Variants in BACH1 observed in about 807,000 individuals in gnomAD.
BACH1 encodes transcription regulator protein BACH1.
In BACH1, 35 loss-of-function variants were observed where a neutral mutation model predicts 52.9. The observed-to-expected ratio is 0.66, with a 90% CI of 0.51 to 0.88. The LOEUF (loss-of-function observed/expected upper bound fraction) is 0.88, where lower values mean the gene tolerates loss of function less well. Among genes scored for constraint, BACH1 ranks in the 40% least tolerant of loss-of-function variants. The probability of loss-of-function intolerance (pLI) is 0.00; values close to 1 mark genes in which losing one functional copy is unlikely to be tolerated. For missense variants in BACH1, 808 were observed against 872.6 expected (o/e 0.93, Z 0.93); for synonymous variants, 321 against 319.6 (o/e 1.00, Z -0.05).
Position 29,342,534 on chromosome 21 carries a change from C to T in BACH1, c.1912C>T (p.Leu638Phe). Residue 638 changes from leucine to phenylalanine, a missense_variant, in exon 5 of 5, where the codon CTC becomes TTC. Leu to Phe is a conservative substitution (Grantham distance 22). Coordinates refer to ENST00000286800, the MANE Select transcript of BACH1 (RefSeq NM_001186.4). Reference sequence around the variant, plus strand: ...TCTGAGTCAAGAACAAATACAGATACTCGCCAAGTACTCAGCTGCAGATTG... The same window carrying T: ...TCTGAGTCAAGAACAAATACAGATATTCGCCAAGTACTCAGCTGCAGATTG... ...AALSQEQIQI[L>F]AKYSAADCPL... 6.2e-7 allele frequency: 1 copy of T among 1,614,214 alleles called. No individual in the cohort carries two copies. Among genetic ancestry groups the T allele is most frequent in the Non-Finnish European group, 8.5e-7 (1 of 1,180,032 alleles).
chr21:29,308,459 A>G (rs2123411276), intron 1 of BACH1, among the ~76,000 whole-genome samples: 1 of 152,272 alleles, frequency 6.6e-6, no homozygotes, highest in South Asian at 2.1e-4. Context: ...TGTTTTATTT[A>G]ATTAAAATTG....
Position 29,329,577 on chromosome 21 carries a change from C to T in BACH1, c.1660C>T (p.Gln554Ter). 6.2e-7 allele frequency: 1 copy of T among 1,606,334 alleles called. No homozygotes were observed. Among genetic ancestry groups the T allele is most frequent in the Non-Finnish European group, 8.5e-7 (1 of 1,177,530 alleles). ...GAAAATGCACAAGCTTACTCCAGAA[C>T]AGCTGGATTGTATCCATGATATTCG... ...LLKMHKLTPE[Q>*]LDCIHDIRRR... The change falls in exon 4 of 5, where the codon CAG becomes TAG. Residue 554 changes from glutamine to a stop codon, truncating the protein, a stop_gained. Coordinates refer to ENST00000286800, the MANE Select transcript of BACH1 (RefSeq NM_001186.4). LOFTEE classifies it high-confidence loss of function.
chr21:29,317,481 G>A (rs2088800914), intron 1 of BACH1, among the ~76,000 whole-genome samples: 1 of 152,184 alleles, frequency 6.6e-6, no homozygotes, highest in Non-Finnish European at 1.5e-5. Context: ...TGTATGTGGA[G>A]GCCCTGAAAT....
intron 2 of BACH1, among the ~76,000 whole-genome samples, chr21:29,353,292 T>A (rs2089214079): frequency 6.6e-6 from 1 of 152,142 alleles, no homozygotes; most frequent in African/African-American, 2.4e-5. Context: ...TAACCAATCT[T>A]GTATGGTTGT....
At chr21:29,339,779 G>C (rs1384481466) in intron 4 of BACH1, among the ~76,000 whole-genome samples, 1 of 151,966 alleles carries the variant, frequency 6.6e-6, no homozygotes, top group Non-Finnish European at 1.5e-5. Context: ...GTTTACAGGT[G>C]TGTGCCACCA....
At chr21:29,331,245 A>G (rs187405317) in intron 4 of BACH1, among the ~76,000 whole-genome samples, 1 of 152,212 alleles carries the variant, frequency 6.6e-6, no homozygotes, top group African/African-American at 2.4e-5. Flanking sequence ...TGAAATCTAC[A>G]TAAAATTGTA....
downstream of BACH1, among the ~76,000 whole-genome samples, chr21:29,347,246 A>G (rs2089174788): frequency 6.6e-6 from 1 of 152,210 alleles, no homozygotes; most frequent in Admixed American, 6.5e-5. Flanking sequence ...CTAAAAGTGC[A>G]TTCTGGAATT....
intron 1 of BACH1, chr21:29,300,024 G>A (rs1341058437): frequency 1.3e-5 from 2 of 152,174 alleles, no homozygotes; most frequent in African/African-American, 4.8e-5. Flanking sequence ...GAGCACTTGA[G>A]CGCTTCACAT....
intron 4 of BACH1, among the ~76,000 whole-genome samples, chr21:29,332,531 GATAGGTAC>G (rs2088996513): frequency 1.3e-5 from 2 of 152,210 alleles, no homozygotes; most frequent in African/African-American, 4.8e-5. Context: ...GTTGTAGGGA[GATAGGTAC>G]CTCTCATTTA....
At chr21:29,341,270 C>G (rs1433903927) in intron 4 of BACH1, among the ~76,000 whole-genome samples, 1 of 152,174 alleles carries the variant, frequency 6.6e-6, no homozygotes, top group Non-Finnish European at 1.5e-5. Flanking sequence ...TAACTTGTCT[C>G]AAGGTTAACT....
At position 29,356,287 on chromosome 21, in the gene BACH1, A is replaced by G. The variant is rs564010278; in HGVS notation, c.472+26594A>G. On this transcript the variant is annotated intron_variant, in intron 2 of 4. Transcript: ENST00000422809. ...CATGTTACACTGTTAACTTTTAGCA[A>G]ACTTTTGTTGAAAACCTTGTAAGTT... 2.0e-5 allele frequency among the ~76,000 whole-genome samples: 3 copies of G among 152,308 alleles called. No individual in the cohort carries two copies. In the South Asian group the frequency reaches 6.2e-4, roughly 32 times the overall value.
intron 1 of BACH1, among the ~76,000 whole-genome samples, chr21:29,304,904 T>C (rs1464677112): frequency 6.6e-6 from 1 of 152,270 alleles, no homozygotes; most frequent in Non-Finnish European, 1.5e-5. Context: ...CAGACAGTTT[T>C]GTTATAAAAT....
intron 1 of BACH1, among the ~76,000 whole-genome samples, chr21:29,314,842 A>G (rs1460569177): frequency 1.3e-5 from 2 of 152,188 alleles, no homozygotes; most frequent in African/African-American, 4.8e-5. Context: ...AAATAACTTT[A>G]GAAAATGTGA....
chr21:29,312,867 A>G (rs1307811196), intron 1 of BACH1, among the ~76,000 whole-genome samples: 2 of 152,224 alleles, frequency 1.3e-5, no homozygotes, highest in African/African-American at 2.4e-5. Context: ...ATTCCTAATC[A>G]GAATTCAACT....
chr21:29,346,671 A>G (rs949742856), downstream of BACH1, among the ~76,000 whole-genome samples: 3 of 152,162 alleles, frequency 2.0e-5, no homozygotes, highest in African/African-American at 4.8e-5. Flanking sequence ...CCTCACAACA[A>G]TTACCCACCC....
chr21:29,309,014 A>G, intron 1 of BACH1, among the ~76,000 whole-genome samples: 1 of 152,178 alleles, frequency 6.6e-6, no homozygotes, highest in South Asian at 2.1e-4. Context: ...TCCCAGCACT[A>G]TGGGAGGGCG....
At chr21:29,334,171 C>T (rs190488397) in intron 4 of BACH1, among the ~76,000 whole-genome samples, 1 of 151,494 alleles carries the variant, frequency 6.6e-6, no homozygotes, top group Non-Finnish European at 1.5e-5. Context: ...GGTCTTGGCT[C>T]ACTGTAAGCT....
intron 4 of BACH1, among the ~76,000 whole-genome samples, chr21:29,331,681 CTT>C (rs1421031552): frequency 6.6e-6 from 1 of 151,968 alleles, no homozygotes; most frequent in Non-Finnish European, 1.5e-5. Context: ...TGCTTAGTAA[CTT>C]TGGGCAGGTT....
chr21:29,325,997 T>G (rs1471638082), intron 2 of BACH1, 62 bp from the exon 3 acceptor site: 1 of 1,454,332 alleles, frequency 6.9e-7, no homozygotes, highest in African/African-American at 1.4e-5. Flanking sequence ...TCTACTTATT[T>G]TGTTTTTATG....
Sources: gnomAD v4.1 joint callset for allele counts (sites outside exome capture counted in the v4.1 genomes callset) on GRCh38, gnomAD v4.1.1 for gene constraint, MANE v1.5 for transcripts, NCBI Gene and HGNC (gene_info 2026-07-23, HGNC 2026-07-21) for gene names.